Variants in GHR observed in about 807,000 individuals in gnomAD.
The protein encoded by GHR is GH receptor.
A neutral mutation model predicts 67.1 loss-of-function variants in GHR; 35 were observed. The observed-to-expected ratio is 0.52, with a 90% CI of 0.40 to 0.69. The LOEUF (loss-of-function observed/expected upper bound fraction) is 0.69, where lower values mean the gene tolerates loss of function less well. GHR is among the 30% of genes least tolerant of loss of function. GHR has a pLI of 0.00. For synonymous variants in GHR, 272 were observed against 269.1 expected, an observed-to-expected ratio of 1.01 and a Z score of -0.10; for missense variants, 792 against 764.6, an observed-to-expected ratio of 1.04 and a Z score of -0.42.
intron 1 of GHR, chr5:42,465,991 T>C (rs899880769): frequency 1.6e-6 from 1 of 632,030 alleles, no homozygotes. Flanking sequence ...TTCTTCCAAC[T>C]TGTCTTATTC....
chr5:42,450,606 T>A (rs1389699388), intron 1 of GHR, among the ~76,000 whole-genome samples: 1 of 152,104 alleles, frequency 6.6e-6, no homozygotes, highest in African/African-American at 2.4e-5. Context: ...GCATTTTTGT[T>A]GTTGTTGTTG....
chr5:42,586,090 T>C (rs1751460048), intron 2 of GHR, among the ~76,000 whole-genome samples: 1 of 152,248 alleles, frequency 6.6e-6, no homozygotes, highest in South Asian at 2.1e-4. Context: ...AAATGTTTAA[T>C]ATATGTAAGC....
At chr5:42,546,902 A>G (rs1472373520) in intron 1 of GHR, among the ~76,000 whole-genome samples, 1 of 152,206 alleles carries the variant, frequency 6.6e-6, no homozygotes, top group Non-Finnish European at 1.5e-5. Flanking sequence ...AAGATGAAAC[A>G]GGGGCAGAGG....
chr5:42,583,602 C>T (rs992755011), intron 2 of GHR, among the ~76,000 whole-genome samples: 1 of 152,114 alleles, frequency 6.6e-6, no homozygotes, highest in South Asian at 2.1e-4. Context: ...TTAGGATGGC[C>T]TCCAGCTGTT....
chr5:42,472,150 G>A (rs1745041895), intron 1 of GHR, among the ~76,000 whole-genome samples: 1 of 152,148 alleles, frequency 6.6e-6, no homozygotes, highest in Non-Finnish European at 1.5e-5. Flanking sequence ...CAGGTCAGTG[G>A]GGGGGTGATT....
intron 1 of GHR, among the ~76,000 whole-genome samples, chr5:42,515,953 T>C (rs1747218550): frequency 6.6e-6 from 1 of 152,224 alleles, no homozygotes; most frequent in African/African-American, 2.4e-5. Context: ...CTATTCCTAA[T>C]TTGTGAAACG....
intron 1 of GHR, among the ~76,000 whole-genome samples, chr5:42,532,859 T>G (rs1490674723): frequency 1.3e-5 from 2 of 152,188 alleles, no homozygotes; most frequent in Non-Finnish European, 2.9e-5. Context: ...TTTGAATTGA[T>G]ACAATTTTTA....
intron 1 of GHR, among the ~76,000 whole-genome samples, chr5:42,515,610 G>A (rs2112281089): frequency 1.3e-5 from 2 of 152,308 alleles, no homozygotes; most frequent in South Asian, 4.1e-4. Flanking sequence ...TATTCTGTTG[G>A]ATTTAGTCTA....
At chr5:42,517,140 A>G (rs1195509838) in intron 1 of GHR, among the ~76,000 whole-genome samples, 1 of 152,208 alleles carries the variant, frequency 6.6e-6, no homozygotes, top group Non-Finnish European at 1.5e-5. Context: ...AAAAATAACT[A>G]TCATGTTGAA....
chr5:42,477,316 A>G (rs1490028033), intron 1 of GHR, among the ~76,000 whole-genome samples: 1 of 152,064 alleles, frequency 6.6e-6, no homozygotes, highest in Non-Finnish European at 1.5e-5. Flanking sequence ...AGTCTTTGCT[A>G]TTGCGAATAG....
intron 8 of GHR, among the ~76,000 whole-genome samples, 195 bp from the exon 9 acceptor site, chr5:42,717,857 T>A (rs1487205351): frequency 6.6e-6 from 1 of 150,626 alleles, no homozygotes; most frequent in Non-Finnish European, 1.5e-5. Flanking sequence ...TAGTTGTTCT[T>A]TTTTTTCCTT....
chr5:42,716,500 G>A (rs1413740437), intron 8 of GHR, among the ~76,000 whole-genome samples: 1 of 152,170 alleles, frequency 6.6e-6, no homozygotes, highest in East Asian at 1.9e-4. Context: ...AAATGGAAAT[G>A]AATGAAGATG....
intron 3 of GHR, among the ~76,000 whole-genome samples, chr5:42,638,730 T>C (rs1242149148): frequency 6.6e-6 from 1 of 152,204 alleles, no homozygotes. Flanking sequence ...TTAAATTACA[T>C]ATGTGGGTTG....
chr5:42,546,506 A>T (rs1748738842), intron 1 of GHR, among the ~76,000 whole-genome samples: 1 of 152,188 alleles, frequency 6.6e-6, no homozygotes, highest in Non-Finnish European at 1.5e-5. Flanking sequence ...GAACATAGTC[A>T]TGTGACCACA....
chr5:42,625,104 C>A (rs1208808326), intron 2 of GHR, among the ~76,000 whole-genome samples: 2 of 152,028 alleles, frequency 1.3e-5, no homozygotes, highest in African/African-American at 4.8e-5. Flanking sequence ...GGCTGCTTCC[C>A]AGTTAGCTAA....
chr5:42,521,346 A>G (rs1489676257), intron 1 of GHR, among the ~76,000 whole-genome samples: 1 of 152,184 alleles, frequency 6.6e-6, no homozygotes, highest in Non-Finnish European at 1.5e-5. Context: ...CAGACTTTTC[A>G]GGTTACAGGA....
intron 1 of GHR, among the ~76,000 whole-genome samples, chr5:42,513,410 G>T (rs1034323088): frequency 2.0e-4 from 30 of 152,182 alleles, no homozygotes; most frequent in Non-Finnish European, 4.4e-4. Flanking sequence ...CTCATTAGCA[G>T]CCCCACTCAG....
intron 4 of GHR, among the ~76,000 whole-genome samples, chr5:42,689,261 C>T (rs1422502015): frequency 6.6e-6 from 1 of 152,144 alleles, no homozygotes; most frequent in Non-Finnish European, 1.5e-5. Flanking sequence ...ATGGAGATTT[C>T]CTTCCAATGC....
intron 3 of GHR, chr5:42,659,240 C>T (rs774127971): frequency 4.6e-5 from 7 of 152,218 alleles, no homozygotes; most frequent in Non-Finnish European, 8.8e-5. Context: ...TGTAACATTA[C>T]TAGCAAGTTG....
Sources: allele counts gnomAD v4.1 joint callset (sites outside exome capture counted in the v4.1 genomes callset), GRCh38; gene constraint gnomAD v4.1.1; transcripts MANE v1.5; gene names NCBI Gene and HGNC (gene_info 2026-07-23, HGNC 2026-07-21).